ADAMTS17: variants seen among roughly 807,000 people sequenced by gnomAD.
The protein encoded by ADAMTS17 is A disintegrin and metalloproteinase with thrombospondin motifs 17.
Under a neutral mutation model 141.5 loss-of-function variants are expected in ADAMTS17, and 113 were observed. That is an observed-to-expected ratio of 0.80 (90% confidence interval 0.69 to 0.93). The LOEUF (loss-of-function observed/expected upper bound fraction) is 0.93, where lower values mean the gene tolerates loss of function less well. Ranked by LOEUF, ADAMTS17 falls within the 40% of genes least tolerant of loss-of-function variation. The pLI, the probability that ADAMTS17 is intolerant of heterozygous loss-of-function variation, is 0.00. For synonymous variants in ADAMTS17, 768 were observed against 630.6 expected (o/e 1.22, Z -3.27); for missense variants, 1,659 against 1,517.9 (o/e 1.09, Z -1.54).
rs764103539 is a variant in ADAMTS17 at position 100,116,996 on chromosome 15, G to C, written c.1739C>G (p.Thr580Arg). The C allele has an allele frequency of 2.5e-6, 4 of 1,612,500 alleles. No homozygotes were observed. In the South Asian group the frequency reaches 3.3e-5, roughly 13 times the overall value. ...CDNPPPGPGGTHCPGASVEHA... is the reference protein window; with the variant it reads ...CDNPPPGPGGRHCPGASVEHA... ...TTCTACACTGGCACCCGGGCAGTGT[G>C]TGCCTCCAGGCCCAGGGCTAGAAGG... The change falls in exon 13 of 22, where the codon ACA becomes AGA. Residue 580 changes from threonine (T) to arginine (R), a missense_variant. Transcript: ENST00000268070.
intron 18 of ADAMTS17, among the ~76,000 whole-genome samples, chr15:100,017,424 G>A (rs1369711623): frequency 1.3e-5 from 2 of 152,204 alleles, no homozygotes. Flanking sequence ...TTCAGCTGGA[G>A]ACTTCCTTCT....
chr15:99,986,424 G>C (rs923435388), intron 20 of ADAMTS17, among the ~76,000 whole-genome samples: 1 of 152,150 alleles, frequency 6.6e-6, no homozygotes, highest in Non-Finnish European at 1.5e-5. Flanking sequence ...AGAGCACACA[G>C]ATCCTTGAAC....
At chr15:100,093,890 T>G (rs1304581614) in intron 15 of ADAMTS17, among the ~76,000 whole-genome samples, 1 of 152,074 alleles carries the variant, frequency 6.6e-6, no homozygotes, top group East Asian at 1.9e-4. Context: ...GTGATTGGGC[T>G]TGGGGGTAAC....
intron 9 of ADAMTS17, 97 bp downstream of exon 9, chr15:100,155,083 T>G: frequency 6.3e-7 from 1 of 1,579,758 alleles, no homozygotes; most frequent in African/African-American, 1.3e-5. Context: ...CAAAAGAGAG[T>G]CATTTCTCCA....
At chr15:100,162,492 C>T (rs1301475881) in intron 8 of ADAMTS17, among the ~76,000 whole-genome samples, 1 of 123,802 alleles carries the variant, frequency 8.1e-6, no homozygotes, top group Non-Finnish European at 1.7e-5. Context: ...TATATATGCA[C>T]ATATACACAT....
intron 18 of ADAMTS17, among the ~76,000 whole-genome samples, chr15:100,023,449 G>C (rs919849313): frequency 6.6e-6 from 1 of 151,938 alleles, no homozygotes; most frequent in African/African-American, 2.4e-5. Flanking sequence ...TAGGTGATCT[G>C]CCTGCCTCGG....
intron 18 of ADAMTS17, among the ~76,000 whole-genome samples, chr15:100,016,529 G>T (rs1167245299): frequency 1.3e-5 from 2 of 152,192 alleles, no homozygotes; most frequent in Non-Finnish European, 2.9e-5. Flanking sequence ...GAAGGCTGTT[G>T]TTCAGATTCT....
chr15:100,251,083 T>A (rs4965291), intron 7 of ADAMTS17, among the ~76,000 whole-genome samples: 107,863 of 151,664 alleles, frequency 0.71, 38,549 homozygotes, highest in East Asian at 0.87. Context: ...TTAATTTTTT[T>A]AAAAAAGAAA....
chr15:99,987,503 T>C (rs1003693572), intron 20 of ADAMTS17, among the ~76,000 whole-genome samples: 4 of 152,188 alleles, frequency 2.6e-5, no homozygotes, highest in African/African-American at 9.6e-5. Flanking sequence ...GGTGGCTGGT[T>C]ACAGGAAGGA....
At chr15:100,228,464 G>C (rs1221821226) in intron 7 of ADAMTS17, among the ~76,000 whole-genome samples, 1 of 152,180 alleles carries the variant, frequency 6.6e-6, no homozygotes, top group Admixed American at 6.5e-5. Context: ...CATGAACACT[G>C]CTGAATTCAT....
At chr15:100,183,919 T>C (rs1003268321) in intron 8 of ADAMTS17, among the ~76,000 whole-genome samples, 1 of 152,208 alleles carries the variant, frequency 6.6e-6, no homozygotes, top group Non-Finnish European at 1.5e-5. Context: ...TGGTGATATC[T>C]GTGGGGGTGA....
intron 7 of ADAMTS17, among the ~76,000 whole-genome samples, chr15:100,210,530 T>C (rs1567360010): frequency 6.6e-6 from 1 of 152,204 alleles, no homozygotes; most frequent in Non-Finnish European, 1.5e-5. Flanking sequence ...ATCTCAGGTC[T>C]TCAGGGCCAC....
chr15:100,061,133 A>G (rs936848365), intron 15 of ADAMTS17, among the ~76,000 whole-genome samples: 2 of 152,188 alleles, frequency 1.3e-5, no homozygotes, highest in African/African-American at 4.8e-5. Flanking sequence ...TTTGTTCCGA[A>G]GTGCATACAA....
At chr15:100,140,688 G>A (rs973119782) in intron 10 of ADAMTS17, among the ~76,000 whole-genome samples, 5 of 151,876 alleles carry the variant, frequency 3.3e-5, no homozygotes, top group African/African-American at 1.2e-4. Flanking sequence ...TACAGATGAG[G>A]AAATGGGTGG....
In ADAMTS17 at chr15:100,020,278, A is replaced by G. The variant is rs2727109; in HGVS notation, c.2592-22689T>C. Among the ~76,000 whole-genome samples the G allele has an allele frequency of 3.3e-3, 509 of 152,258 alleles. 1 individual carries two copies. The highest frequency in any genetic ancestry group is 0.012 in the African/African-American group (487 of 41,524). On this transcript the variant is annotated intron_variant, in intron 18 of 21. Coordinates refer to ENST00000268070, the MANE Select transcript of ADAMTS17 (RefSeq NM_139057.4). ...TGAAAATATTCAGAATTTGACAAGG[A>G]TCTCAGAAAATGTCCTGGGGCAAGG...
At chr15:100,088,956 A>C (rs1405715104) in intron 15 of ADAMTS17, among the ~76,000 whole-genome samples, 1 of 151,922 alleles carries the variant, frequency 6.6e-6, no homozygotes, top group African/African-American at 2.4e-5. Context: ...AAAACACCAA[A>C]AGCAATGGCA....
At chr15:100,273,517 T>C (rs1051683051) in intron 4 of ADAMTS17, among the ~76,000 whole-genome samples, 6 of 152,188 alleles carry the variant, frequency 3.9e-5, no homozygotes, top group African/African-American at 1.2e-4. Flanking sequence ...ATAATCCTTT[T>C]TATTTCTGTA....
intron 7 of ADAMTS17, among the ~76,000 whole-genome samples, chr15:100,214,520 TATA>T (rs1309561899): frequency 1.3e-5 from 2 of 152,088 alleles, no homozygotes; most frequent in African/African-American, 2.4e-5. Context: ...ATTAAAAAAG[TATA>T]ATAATAAAAA....
chr15:100,158,568 C>G (rs2039545007), intron 8 of ADAMTS17, among the ~76,000 whole-genome samples: 1 of 152,016 alleles, frequency 6.6e-6, no homozygotes. Flanking sequence ...AAACTCGATG[C>G]TTACTGACGA....
Sources: gnomAD v4.1 joint callset for allele counts (sites outside exome capture counted in the v4.1 genomes callset) on GRCh38, gnomAD v4.1.1 for gene constraint, MANE v1.5 for transcripts, NCBI Gene and HGNC (gene_info 2026-07-23, HGNC 2026-07-21) for gene names.